The following COL22A1 variants were observed in gnomAD, a reference collection of about 807,000 sequenced individuals.
COL22A1 encodes collagen alpha-1(XXII) chain.
In COL22A1, 221 loss-of-function variants were observed where a neutral mutation model predicts 248.9. The observed-to-expected ratio is 0.89, with a 90% CI of 0.80 to 0.99. The LOEUF is 0.99. Ranked by LOEUF, COL22A1 falls within the 50% of genes least tolerant of loss-of-function variation. COL22A1 has a pLI of 0.00. For missense variants in COL22A1, 2,240 were observed against 2,179.0 expected (o/e 1.03, Z -0.56); for synonymous variants, 891 against 793.4 (o/e 1.12, Z -2.07).
chr8:138,722,220 A>G, intron 25 of COL22A1, 131 bp from the exon 26 acceptor site: 1 of 665,344 alleles, frequency 1.5e-6, no homozygotes, highest in Non-Finnish European at 2.6e-6. Flanking sequence ...CTCTTTGATT[A>G]GCAGGGCCCT....
Position 138,703,346 on chromosome 8 carries a change from C to A in COL22A1, c.2519G>T (p.Gly840Val). 6.2e-7 allele frequency: 1 copy of A among 1,613,468 alleles called. No homozygotes were observed. Among genetic ancestry groups the A allele is most frequent in the Non-Finnish European group, 8.5e-7 (1 of 1,179,478 alleles). ...PGLKGDRGEK[G>V]EAGPAGPPGL... is the part of the protein sequence containing the mutation. ...GGGAGGGCCTGCAGGACCAGCTTCA[C>A]CCTAGATGGAGAAATGGAAAATCCA... Residue 840 changes from glycine to valine, a missense_variant and splice_region_variant, in exon 31 of 65, where the codon GGT (glycine) becomes GTT (valine). Coordinates refer to ENST00000303045, the MANE Select transcript of COL22A1 (RefSeq NM_152888.3).
At position 138,594,059 on chromosome 8, in the gene COL22A1, G is replaced by T. The variant is rs1473696644; in HGVS notation, c.4573C>A (p.Gln1525Lys). 1 of 1,590,990 alleles carries T rather than the reference G, an allele frequency of 6.3e-7. No individual in the cohort carries two copies. Among genetic ancestry groups the T allele is most frequent in the Non-Finnish European group, 8.5e-7 (1 of 1,172,578 alleles). ...GPMGEPGRPG[Q>K]GGLEGPSGPI... ...CCAGAGGGTCCTTCCAGACCCCCCT[G>T]CCCAGGACGACCTGGCTCCCCCATG... The change falls in exon 63 of 65, where the codon CAG becomes AAG. Residue 1525 changes from glutamine to lysine, a missense_variant. Physicochemically the swap from Gln to Lys is moderately conservative, Grantham distance 53. Transcript: ENST00000303045.
At chr8:138,709,243 A>T (rs1425712586) in intron 30 of COL22A1, among the ~76,000 whole-genome samples, 1 of 152,204 alleles carries the variant, frequency 6.6e-6, no homozygotes, top group Admixed American at 6.5e-5. Flanking sequence ...TTCCTCAAGG[A>T]TCTAGAACTA....
intron 63 of COL22A1, among the ~76,000 whole-genome samples, chr8:138,593,050 A>AG (rs1391514841): frequency 1.3e-5 from 2 of 152,196 alleles, no homozygotes; most frequent in Non-Finnish European, 2.9e-5. Context: ...AAAAAGAATG[A>AG]GTTCATGTCC....
chr8:138,699,526 A>C (rs1047375487), intron 32 of COL22A1, among the ~76,000 whole-genome samples: 5 of 152,216 alleles, frequency 3.3e-5, no homozygotes, highest in Admixed American at 2.0e-4. Flanking sequence ...TTTTCTGAAG[A>C]GCCATTCGTG....
Position 138,588,786 on chromosome 8 carries a change from T to A in COL22A1, c.*467A>T, listed in dbSNP as rs1228395688. On this transcript the variant is annotated 3_prime_UTR_variant, in exon 65 of 65. Transcript: ENST00000303045. ...CTCCTGGGTGATCTCCGGGCATGAC[T>A]GAGAATGAAGCCCATTGGCTCATTT... is the stretch of plus-strand genomic sequence containing the variant. 1 of 153,220 alleles carries A rather than the reference T, an allele frequency of 6.5e-6. No individual in the cohort carries two copies. 9.5% of individuals were successfully genotyped at this position (153,220 alleles called of 1,614,324 possible).
At chr8:138,631,805 G>C (rs1820742633) in intron 49 of COL22A1, among the ~76,000 whole-genome samples, 1 of 152,068 alleles carries the variant, frequency 6.6e-6, no homozygotes, top group Non-Finnish European at 1.5e-5. Flanking sequence ...CCTCATCCCT[G>C]CCCTGGGGAG....
intron 52 of COL22A1, among the ~76,000 whole-genome samples, chr8:138,623,238 AT>A (rs1313119652): frequency 2.9e-4 from 2 of 6,932 alleles, no homozygotes; most frequent in African/African-American, 4.0e-4. Context: ...GTGTGTGTAC[AT>A]ATATATATAT....
intron 46 of COL22A1, among the ~76,000 whole-genome samples, chr8:138,649,024 T>G (rs1053971962): frequency 6.6e-6 from 1 of 152,252 alleles, no homozygotes; most frequent in African/African-American, 2.4e-5. Flanking sequence ...TAAAATGGTT[T>G]TCTTTCTCTT....
chr8:138,623,799 T>A lies in COL22A1; in HGVS notation c.3718-14A>T, dbSNP rs929798878. 1 of 1,610,804 alleles carries A rather than the reference T, an allele frequency of 6.2e-7. No individual in the cohort carries two copies. The highest frequency in any genetic ancestry group is 1.7e-5 in the Admixed American group (1 of 59,348). On this transcript the variant is annotated splice_polypyrimidine_tract_variant and intron_variant, in intron 51 of 64. Coordinates refer to ENST00000303045, the MANE Select transcript of COL22A1 (RefSeq NM_152888.3). Reference sequence around the variant, plus strand: ...GCCTTCTTCTCCCTGCAAGAGAAACTCAAATTGGTTATCAGGTCAAAGAAG... The same window carrying A: ...GCCTTCTTCTCCCTGCAAGAGAAACACAAATTGGTTATCAGGTCAAAGAAG...
chr8:138,822,157 C>A (rs184189451), intron 6 of COL22A1, among the ~76,000 whole-genome samples: 82 of 152,252 alleles, frequency 5.4e-4, no homozygotes, highest in Middle Eastern at 6.8e-3. Context: ...CAATTCTCTT[C>A]TCCCGCCTTA....
chr8:138,752,868 G>T (rs1832714110), intron 21 of COL22A1, among the ~76,000 whole-genome samples: 1 of 152,200 alleles, frequency 6.6e-6, no homozygotes, highest in Admixed American at 6.5e-5. Flanking sequence ...TCTGCAGAAG[G>T]CCCCGAGCTA....
intron 3 of COL22A1, among the ~76,000 whole-genome samples, chr8:138,876,266 G>A (rs2132033740): frequency 6.6e-6 from 1 of 152,188 alleles, no homozygotes; most frequent in South Asian, 2.1e-4. Flanking sequence ...TGCAGTTCAT[G>A]CCCATCCTCT....
At chr8:138,624,707 T>C (rs955319713) in intron 51 of COL22A1, among the ~76,000 whole-genome samples, 1 of 152,134 alleles carries the variant, frequency 6.6e-6, no homozygotes, top group African/African-American at 2.4e-5. Flanking sequence ...CATACCAACA[T>C]CCCAGCATGT....
intron 45 of COL22A1, among the ~76,000 whole-genome samples, chr8:138,651,211 C>T (rs1349701235): frequency 6.6e-6 from 1 of 152,128 alleles, no homozygotes; most frequent in Non-Finnish European, 1.5e-5. Flanking sequence ...CTTCCTGCTC[C>T]CAGAAATCTC....
At chr8:138,864,285 G>C (rs1186766493) in intron 3 of COL22A1, among the ~76,000 whole-genome samples, 1 of 152,016 alleles carries the variant, frequency 6.6e-6, no homozygotes, top group African/African-American at 2.4e-5. Flanking sequence ...CTGGGCCCAG[G>C]GGGCTTTAAG....
At chr8:138,656,505 G>A (rs746472774) in intron 44 of COL22A1, among the ~76,000 whole-genome samples, 2 of 152,156 alleles carry the variant, frequency 1.3e-5, no homozygotes, top group Non-Finnish European at 2.9e-5. Context: ...AGCCTCTACA[G>A]GTAGGTAGGA....
chr8:138,812,384 C>T, intron 8 of COL22A1, among the ~76,000 whole-genome samples: 1 of 152,160 alleles, frequency 6.6e-6, no homozygotes, highest in Non-Finnish European at 1.5e-5. Context: ...ACCCTGCAGC[C>T]CGGGAAGCAG....
intron 3 of COL22A1, among the ~76,000 whole-genome samples, chr8:138,875,118 G>C (rs1433571777): frequency 6.6e-6 from 1 of 152,190 alleles, no homozygotes; most frequent in African/African-American, 2.4e-5. Context: ...TGGAAATGGA[G>C]AGTGGAATGA....
Sources: gnomAD v4.1 joint callset for allele counts (sites outside exome capture counted in the v4.1 genomes callset) on GRCh38, gnomAD v4.1.1 for gene constraint, MANE v1.5 for transcripts, NCBI Gene and HGNC (gene_info 2026-07-23, HGNC 2026-07-21) for gene names.